ACTL8: variants seen among roughly 807,000 people sequenced by gnomAD.
ACTL8 encodes the protein actin-like protein 8.
Under a neutral mutation model 9.3 loss-of-function variants are expected in ACTL8, and 3 were observed. The ratio of observed to expected loss-of-function variants is 0.32; its 90% CI spans 0.15 to 0.83. The LOEUF is 0.83. Among genes scored for constraint, ACTL8 ranks in the 40% least tolerant of loss-of-function variants. The pLI is 0.57. For missense variants in ACTL8, 381 were observed against 492.2 expected (o/e 0.77, Z 2.14); for synonymous variants, 224 against 205.9 (o/e 1.09, Z -0.75).
intron 1 of ACTL8, among the ~76,000 whole-genome samples, chr1:17,802,889 G>A (rs1025259595): frequency 6.6e-6 from 1 of 152,144 alleles, no homozygotes; most frequent in Non-Finnish European, 1.5e-5. Context: ...GGAGGCTGAG[G>A]CAGGAGGATT....
intron 1 of ACTL8, among the ~76,000 whole-genome samples, chr1:17,785,320 C>T (rs953414753): frequency 6.6e-6 from 1 of 152,184 alleles, no homozygotes; most frequent in Admixed American, 6.5e-5. Context: ...GCCCCATTTG[C>T]CCAATCAGCA....
chr1:17,774,174 CT>C (rs1261543455), intron 1 of ACTL8, among the ~76,000 whole-genome samples: 2 of 152,224 alleles, frequency 1.3e-5, no homozygotes, highest in Non-Finnish European at 2.9e-5. Context: ...GCTCGTTTAG[CT>C]CCAGCAGGGG....
intron 1 of ACTL8, among the ~76,000 whole-genome samples, chr1:17,802,409 G>T (rs1324835224): frequency 6.7e-6 from 1 of 149,380 alleles, no homozygotes; most frequent in Non-Finnish European, 1.5e-5. Context: ...AGCAGATCCC[G>T]GATGACTGTG....
chr1:17,776,554 A>G (rs6666120), intron 1 of ACTL8, among the ~76,000 whole-genome samples: 44,630 of 151,912 alleles, frequency 0.29, 6,925 homozygotes, highest in Admixed American at 0.38. Context: ...CCTCTCTGTG[A>G]AGCTGAGTCT....
chr1:17,774,862 A>G (rs1185111717), intron 1 of ACTL8, among the ~76,000 whole-genome samples: 2 of 152,092 alleles, frequency 1.3e-5, no homozygotes, highest in African/African-American at 4.8e-5. Context: ...ATCTTTGTCT[A>G]CGTCTCCCAG....
At chr1:17,768,437 G>A (rs2066061527) in intron 1 of ACTL8, among the ~76,000 whole-genome samples, 2 of 96,766 alleles carry the variant, frequency 2.1e-5, no homozygotes, top group Admixed American at 2.6e-4. Context: ...TGGGGTGCTG[G>A]TGTCAGAAGA....
chr1:17,798,799 T>C (rs1254151152), intron 1 of ACTL8, among the ~76,000 whole-genome samples: 1 of 152,168 alleles, frequency 6.6e-6, no homozygotes, highest in Non-Finnish European at 1.5e-5. Context: ...TCCTGGACCC[T>C]CCTGGTGGGA....
chr1:17,774,836 A>G (rs1349132041), intron 1 of ACTL8, among the ~76,000 whole-genome samples: 1 of 152,052 alleles, frequency 6.6e-6, no homozygotes, highest in African/African-American at 2.4e-5. Context: ...GCCTCTTTTG[A>G]AGGTTTGACT....
chr1:17,813,029 C>T (rs1188223364), intron 1 of ACTL8, among the ~76,000 whole-genome samples: 1 of 152,034 alleles, frequency 6.6e-6, no homozygotes, highest in Non-Finnish European at 1.5e-5. Context: ...CTTATTAGTT[C>T]TAGGATCTTT....
chr1:17,762,568 G>A (rs1406881394), intron 1 of ACTL8, among the ~76,000 whole-genome samples: 6 of 152,264 alleles, frequency 3.9e-5, no homozygotes, highest in South Asian at 2.1e-4. Flanking sequence ...CCTTTCTCTC[G>A]GCCAGGCAGC....
At chr1:17,820,438 A>G (rs1000013390) in intron 1 of ACTL8, among the ~76,000 whole-genome samples, 2 of 152,178 alleles carry the variant, frequency 1.3e-5, no homozygotes, top group Non-Finnish European at 2.9e-5. Flanking sequence ...TATTTTTGGC[A>G]GTTAGGAATA....
At chr1:17,761,184 C>G (rs530104724) in intron 1 of ACTL8, among the ~76,000 whole-genome samples, 1 of 150,444 alleles carries the variant, frequency 6.6e-6, no homozygotes, top group African/African-American at 2.4e-5. Context: ...CTATGTTGCC[C>G]AGGCTGGTCT....
At chr1:17,788,823 G>A (rs2066217693) in intron 1 of ACTL8, among the ~76,000 whole-genome samples, 1 of 152,228 alleles carries the variant, frequency 6.6e-6, no homozygotes, top group South Asian at 2.1e-4. Context: ...GGGATGTTGG[G>A]GAGAGGAGAG....
chr1:17,792,256 TC>T (rs1265647527), intron 1 of ACTL8, among the ~76,000 whole-genome samples: 1 of 152,200 alleles, frequency 6.6e-6, no homozygotes, highest in African/African-American at 2.4e-5. Flanking sequence ...ACTCTGACCT[TC>T]CTAACGGATG....
intron 1 of ACTL8, among the ~76,000 whole-genome samples, chr1:17,783,610 G>A (rs56041930): frequency 0.26 from 40,082 of 152,104 alleles, 5,844 homozygotes; most frequent in East Asian, 0.37. Flanking sequence ...GCCTCCTTGT[G>A]TGTCCCTGAG....
intron 1 of ACTL8, among the ~76,000 whole-genome samples, chr1:17,797,791 A>C (rs962504843): frequency 1.3e-5 from 2 of 152,070 alleles, no homozygotes; most frequent in Non-Finnish European, 2.9e-5. Flanking sequence ...CAGGTGGCTG[A>C]TAATTAAATT....
chr1:17,764,946 G>C (rs985892663), intron 1 of ACTL8, among the ~76,000 whole-genome samples: 1 of 152,194 alleles, frequency 6.6e-6, no homozygotes, highest in African/African-American at 2.4e-5. Context: ...TCTGGGTAGG[G>C]GGGCTGTATA....
At chr1:17,797,815 A>G (rs1014351443) in intron 1 of ACTL8, among the ~76,000 whole-genome samples, 1 of 152,180 alleles carries the variant, frequency 6.6e-6, no homozygotes, top group Non-Finnish European at 1.5e-5. Flanking sequence ...GGATGGAAGT[A>G]AAGCGGTTTG....
At position 17,823,917 on chromosome 1, in the gene ACTL8, C is replaced by A. The variant is rs1378932521; in HGVS notation, c.348+561C>A. Among the ~76,000 whole-genome samples, 1 of 152,190 alleles carries A rather than the reference C, an allele frequency of 6.6e-6. No homozygotes were observed. The highest frequency in any genetic ancestry group is 1.9e-4 in the East Asian group (1 of 5,190). On this transcript the variant is annotated intron_variant, in intron 2 of 2. Transcript: ENST00000375406. This position sits in a 1 kb window ranked among gnomAD's most constrained non-coding sequence, Gnocchi z 5.3. ...TTACCAGGGAGACGTGGAATATTTGCTTATGGATTCCATAATTGCTGATAC... is the reference window on the plus strand; with the variant it reads ...TTACCAGGGAGACGTGGAATATTTGATTATGGATTCCATAATTGCTGATAC...
Sources: allele counts gnomAD v4.1 joint callset (sites outside exome capture counted in the v4.1 genomes callset), GRCh38; gene constraint gnomAD v4.1.1; non-coding constraint Gnocchi (gnomAD v3.1); transcripts MANE v1.5; gene names NCBI Gene and HGNC (gene_info 2026-07-23, HGNC 2026-07-21).